The following WLS variants were observed in gnomAD, a reference collection of about 807,000 sequenced individuals.
WLS encodes the protein Wnt ligand secretion mediator.
A neutral mutation model predicts 62.8 loss-of-function variants in WLS; 23 were observed. The observed-to-expected ratio is 0.37, with a 90% CI of 0.26 to 0.52. WLS has a LOEUF of 0.52. Among genes scored for constraint, WLS ranks in the 20% least tolerant of loss-of-function variants. WLS has a pLI of 0.92. For missense variants in WLS, 615 were observed against 697.3 expected, an observed-to-expected ratio of 0.88 and a Z score of 1.33; for synonymous variants, 246 against 244.1, an observed-to-expected ratio of 1.01 and a Z score of -0.07.
chr1:68,138,051 A>G lies in WLS; in HGVS notation c.1363-118T>C, dbSNP rs1646636320. On this transcript the variant is annotated intron_variant, in intron 10 of 11. Coordinates refer to ENST00000262348, the MANE Select transcript of WLS (RefSeq NM_024911.7). ...GTCTCTTCTACATGTGGGAAACATG[A>G]AGGGCCATGTAAGACTCCATCTTTT... 4.3e-6 allele frequency: 5 copies of G among 1,158,664 alleles called. No individual in the cohort carries two copies. The South Asian group carries it at 7.7e-5, about 18-fold the overall frequency. 71.8% of individuals were successfully genotyped at this position (1,158,664 alleles called of 1,614,324 possible). A position where few individuals can be genotyped will look rare whatever the true frequency, so the allele number is the denominator to read the frequency against.
intron 1 of WLS, among the ~76,000 whole-genome samples, chr1:68,212,547 C>T (rs549690283): frequency 3.3e-5 from 5 of 152,260 alleles, no homozygotes; most frequent in South Asian, 2.1e-4. Context: ...ACTACCAGAT[C>T]GGGAGTTGAC....
chr1:68,115,334 G>A (rs140737186), intron 11 of WLS, among the ~76,000 whole-genome samples: 8 of 152,336 alleles, frequency 5.3e-5, no homozygotes, highest in African/African-American at 1.9e-4. Flanking sequence ...CTGCTGTGTG[G>A]TCAGACAAAC....
intron 11 of WLS, among the ~76,000 whole-genome samples, chr1:68,102,109 T>C (rs1646086498): frequency 6.6e-6 from 1 of 152,170 alleles, no homozygotes; most frequent in Non-Finnish European, 1.5e-5. Flanking sequence ...GTGTCTACCA[T>C]GGGCCAGCTA....
At chr1:68,189,598 C>T (rs765890671) in intron 2 of WLS, among the ~76,000 whole-genome samples, 4 of 152,142 alleles carry the variant, frequency 2.6e-5, no homozygotes, top group Middle Eastern at 6.3e-3. Flanking sequence ...ACCTCTACCA[C>T]GTGCTTCTTT....
intron 10 of WLS, among the ~76,000 whole-genome samples, chr1:68,140,680 G>C (rs919369529): frequency 6.6e-6 from 1 of 152,170 alleles, no homozygotes; most frequent in Non-Finnish European, 1.5e-5. Context: ...TACTGAATGT[G>C]CAATCTGTAA....
At chr1:68,111,386 G>GT (rs932011909) in intron 11 of WLS, among the ~76,000 whole-genome samples, 2 of 152,164 alleles carry the variant, frequency 1.3e-5, no homozygotes, top group African/African-American at 2.4e-5. Flanking sequence ...ACTAATTCTT[G>GT]TTTTTTCTTC....
Position 68,194,361 on chromosome 1 carries a change from G to C in WLS, c.107-134C>G, listed in dbSNP as rs996126332. The C allele has an allele frequency of 1.4e-5, 16 of 1,169,862 alleles. 2 individuals are homozygous for C. Among genetic ancestry groups the C allele is most frequent in the Admixed American group, 8.4e-5 (3 of 35,896 alleles). 72.5% of individuals were successfully genotyped at this position (1,169,862 alleles called of 1,614,324 possible). Reference sequence around the variant, plus strand: ...TACAAGTGGGGCTCAGCAATACTTAGGGATCTTCCAAATCTGGGTGAGGAT... The same window carrying C: ...TACAAGTGGGGCTCAGCAATACTTACGGATCTTCCAAATCTGGGTGAGGAT... On this transcript the variant is annotated intron_variant, in intron 1 of 11. Coordinates refer to ENST00000262348, the MANE Select transcript of WLS (RefSeq NM_024911.7).
intron 11 of WLS, among the ~76,000 whole-genome samples, chr1:68,103,393 T>C (rs527680719): frequency 2.8e-4 from 42 of 152,234 alleles, no homozygotes; most frequent in African/African-American, 9.9e-4. Flanking sequence ...CCTCATAAGG[T>C]GTTTTTTCCT....
chr1:68,231,626 A>G, intron 1 of WLS: 1 of 409,490 alleles, frequency 2.4e-6, no homozygotes, highest in Non-Finnish European at 5.0e-6. Context: ...GCGGCGGGAA[A>G]GCAGAGGGCG....
At chr1:68,138,007 C>G (rs1485910383) in intron 10 of WLS, 74 bp from the exon 11 acceptor site, 13 of 1,563,434 alleles carry the variant, frequency 8.3e-6, no homozygotes, top group Admixed American at 3.6e-5. Flanking sequence ...ATAAAGGAAC[C>G]AACCAACATG....
intron 2 of WLS, among the ~76,000 whole-genome samples, chr1:68,169,816 TG>T (rs1647119658): frequency 6.6e-6 from 1 of 152,244 alleles, no homozygotes; most frequent in African/African-American, 2.4e-5. Flanking sequence ...ATGGCATAAT[TG>T]GCTAAGGTGT....
chr1:68,158,177 C>T (rs1646923851), intron 3 of WLS, among the ~76,000 whole-genome samples: 1 of 152,216 alleles, frequency 6.6e-6, no homozygotes, highest in Non-Finnish European at 1.5e-5. Context: ...CTCCTACACC[C>T]TGAGACATTG....
intron 11 of WLS, among the ~76,000 whole-genome samples, chr1:68,113,490 C>T (rs778976998): frequency 1.3e-5 from 2 of 152,308 alleles, no homozygotes; most frequent in Admixed American, 6.5e-5. Context: ...GACAGAAATT[C>T]TGCCCTTATG....
intron 11 of WLS, chr1:68,099,940 A>G (rs1355449580): frequency 6.6e-6 from 1 of 152,246 alleles, no homozygotes; most frequent in Non-Finnish European, 1.5e-5. Flanking sequence ...ACACAAGTCT[A>G]TTGTGAGGAT....
At chr1:68,161,298 A>C (rs1265609626) in intron 2 of WLS, among the ~76,000 whole-genome samples, 1 of 152,160 alleles carries the variant, frequency 6.6e-6, no homozygotes. Context: ...TTTTGTAGTA[A>C]TGTAATTTTC....
At chr1:68,208,445 G>A (rs1437096663) in intron 1 of WLS, among the ~76,000 whole-genome samples, 2 of 152,170 alleles carry the variant, frequency 1.3e-5, no homozygotes, top group East Asian at 3.9e-4. Flanking sequence ...GAAGATATGG[G>A]CTTGAGCTCG....
At position 68,150,326 on chromosome 1, in the gene WLS, G is replaced by C; in HGVS notation, c.834C>G (p.Thr278=). Residue 278 remains threonine (T), a synonymous_variant, in exon 6 of 12, where the codon ACC becomes ACG. Transcript: ENST00000262348. ...ACCATTCCACTGGGATATTGATAAA[G>C]GTCATGGAAATCCCAAGGGCAAAGA... ...KVIFALGISM[T]FINIPVEWFS... 1 of 1,614,190 alleles carries C rather than the reference G, an allele frequency of 6.2e-7. No homozygotes were observed. The highest frequency in any genetic ancestry group is 8.5e-7 in the Non-Finnish European group (1 of 1,180,036).
Position 68,125,992 on chromosome 1 carries a change from T to C in WLS, c.*234A>G. 7.5e-7 allele frequency: 1 copy of C among 1,330,106 alleles called. No individual in the cohort carries two copies. Among genetic ancestry groups the C allele is most frequent in the East Asian group, 2.9e-5 (1 of 34,574 alleles). The allele number at this position is 1,330,106 out of a possible 1,614,324, so 82.4% of individuals were successfully genotyped here. ...TAATTAACAATGATCACAGAAAATG[T>C]GTCATACCAGAGTTTTTGTTATCAT... On this transcript the variant is annotated 3_prime_UTR_variant, in exon 12 of 12. Coordinates refer to ENST00000262348, the MANE Select transcript of WLS (RefSeq NM_024911.7).
At chr1:68,203,228 A>T (rs1649122265) in intron 1 of WLS, among the ~76,000 whole-genome samples, 1 of 152,228 alleles carries the variant, frequency 6.6e-6, no homozygotes, top group Non-Finnish European at 1.5e-5. Flanking sequence ...TATTCAGAAG[A>T]TCAGTGGTTT....
Sources: allele counts gnomAD v4.1 joint callset (sites outside exome capture counted in the v4.1 genomes callset), GRCh38; gene constraint gnomAD v4.1.1; transcripts MANE v1.5; gene names NCBI Gene and HGNC (gene_info 2026-07-23, HGNC 2026-07-21).